Variants in NFATC1 observed in about 807,000 individuals in gnomAD.
NFATC1 encodes nuclear factor of activated T cells 1.
NFATC1 carries 22 observed loss-of-function variants against 76.0 expected under a neutral mutation model. The observed-to-expected ratio is 0.29, with a 90% CI of 0.21 to 0.41. The LOEUF is 0.41. Ranked by LOEUF, NFATC1 falls within the 10% of genes least tolerant of loss-of-function variation. The probability of loss-of-function intolerance (pLI) is 1.00; values close to 1 mark genes in which losing one functional copy is unlikely to be tolerated. For synonymous variants in NFATC1, 704 were observed against 613.1 expected, an observed-to-expected ratio of 1.15 and a Z score of -2.19; for missense variants, 1,357 against 1,337.7, an observed-to-expected ratio of 1.01 and a Z score of -0.23.
At position 79,410,178 on chromosome 18, in the gene NFATC1, G is replaced by T; in HGVS notation, c.128-225G>T. The T allele has an allele frequency of 1.3e-6, 1 of 765,646 alleles. No homozygotes were observed. Among genetic ancestry groups the T allele is most frequent in the East Asian group, 2.5e-5 (1 of 40,660 alleles). 47.4% of individuals were successfully genotyped at this position (765,646 alleles called of 1,614,324 possible). On this transcript the variant is annotated intron_variant, in intron 1 of 9. Coordinates refer to ENST00000427363, the MANE Select transcript of NFATC1 (RefSeq NM_001278669.2). This position sits in a 1 kb window ranked among gnomAD's most constrained non-coding sequence, Gnocchi z 6.7. The stretch of plus-strand genomic sequence containing the variant: ...TGCTGTTAGGGGAGGAGGGGAGGTG[G>T]GCAGTGAGGGGCTCACGGGAGCCTT...
chr18:79,412,049 C>T (rs2085710211), intron 2 of NFATC1, among the ~76,000 whole-genome samples: 2 of 152,260 alleles, frequency 1.3e-5, no homozygotes, highest in Non-Finnish European at 2.9e-5. Flanking sequence ...GTCCGCCACG[C>T]TTTGGAACAG....
At chr18:79,511,373 C>A (rs528057834) in intron 9 of NFATC1, among the ~76,000 whole-genome samples, 1 of 152,264 alleles carries the variant, frequency 6.6e-6, no homozygotes, top group East Asian at 1.9e-4. Flanking sequence ...GGTCATGGTG[C>A]GTTGTCTCCG....
intron 1 of NFATC1, chr18:79,400,582 TC>T: frequency 5.7e-6 from 6 of 1,058,966 alleles, no homozygotes; most frequent in East Asian, 3.5e-5. Context: ...ACCCCAGGAG[TC>T]CCCGGCGCGC....
At chr18:79,451,446 G>A (rs907354761) in intron 5 of NFATC1, among the ~76,000 whole-genome samples, 3 of 152,384 alleles carry the variant, frequency 2.0e-5, no homozygotes, top group Admixed American at 2.0e-4. Flanking sequence ...AATTGGCTGA[G>A]TCTTAGGAAG....
intron 6 of NFATC1, among the ~76,000 whole-genome samples, chr18:79,456,270 G>A (rs2087720610): frequency 6.6e-6 from 1 of 152,242 alleles, no homozygotes; most frequent in South Asian, 2.1e-4. Context: ...CGCGGCGAGT[G>A]TGGGGTGCAT....
At chr18:79,414,915 G>A (rs144884966) in intron 2 of NFATC1, among the ~76,000 whole-genome samples, 1 of 152,306 alleles carries the variant, frequency 6.6e-6, no homozygotes, top group East Asian at 1.9e-4. Context: ...AAGGCTGTGC[G>A]GGTTATTTAT....
chr18:79,415,598 A>G (rs1208210549), intron 2 of NFATC1, among the ~76,000 whole-genome samples: 5 of 152,056 alleles, frequency 3.3e-5, no homozygotes, highest in Middle Eastern at 3.2e-3. Context: ...TTCAATTTCT[A>G]CACATGAAAC....
chr18:79,427,667 G>A (rs113354363), intron 2 of NFATC1, among the ~76,000 whole-genome samples: 1,581 of 114,930 alleles, frequency 0.014, 81 homozygotes, highest in African/African-American at 0.056. Flanking sequence ...TGGCCTCTGT[G>A]TGGTGTGGGG....
intron 2 of NFATC1, among the ~76,000 whole-genome samples, chr18:79,425,006 T>C (rs1185310959): frequency 6.8e-6 from 1 of 147,270 alleles, no homozygotes; most frequent in Non-Finnish European, 1.5e-5. Context: ...TCTCTGTGTC[T>C]GTCTCTCTCT....
intron 2 of NFATC1, among the ~76,000 whole-genome samples, chr18:79,428,516 A>G (rs1210753512): frequency 6.6e-6 from 1 of 152,156 alleles, no homozygotes; most frequent in Admixed American, 6.5e-5. Flanking sequence ...ATGACCGGAG[A>G]TGTGGTCTGG....
intron 9 of NFATC1, among the ~76,000 whole-genome samples, chr18:79,487,833 G>A (rs1038412345): frequency 6.6e-6 from 1 of 152,202 alleles, no homozygotes; most frequent in African/African-American, 2.4e-5. Flanking sequence ...ATCGGGGCGT[G>A]CCCGCGGCCC....
At chr18:79,527,494 C>T (rs761358847) in intron 9 of NFATC1, 34 bp from the exon 10 acceptor site, 2 of 1,579,104 alleles carry the variant, frequency 1.3e-6, no homozygotes, top group Admixed American at 3.3e-5. Flanking sequence ...TATGGTATTT[C>T]TCTAATACTT....
At chr18:79,424,537 GTCTCTC>G (rs747162867) in intron 2 of NFATC1, among the ~76,000 whole-genome samples, 1 of 149,722 alleles carries the variant, frequency 6.7e-6, no homozygotes, top group Non-Finnish European at 1.5e-5. Flanking sequence ...CTGTCTCCCT[GTCTCTC>G]TCTCTGTCTC....
intron 2 of NFATC1, chr18:79,421,366 C>CA (rs1399968688): frequency 6.6e-6 from 1 of 152,294 alleles, no homozygotes; most frequent in Non-Finnish European, 1.5e-5. Context: ...CACGGGCAGA[C>CA]AGGTCGAGTG....
chr18:79,476,473 T>A (rs529172188), intron 8 of NFATC1, among the ~76,000 whole-genome samples: 1 of 152,254 alleles, frequency 6.6e-6, no homozygotes, highest in Non-Finnish European at 1.5e-5. Context: ...CCCACCTCAC[T>A]GTGCCCTGGA....
At chr18:79,402,472 C>T (rs578012881) in intron 1 of NFATC1, 11 of 862,592 alleles carry the variant, frequency 1.3e-5, no homozygotes, top group East Asian at 1.2e-4. Flanking sequence ...ACCTCACCCT[C>T]GCAGGCACCC....
chr18:79,487,060 T>A (rs1600895457), intron 9 of NFATC1, 123 bp downstream of exon 9: 1 of 1,157,496 alleles, frequency 8.6e-7, no homozygotes, highest in East Asian at 2.7e-5. Context: ...CCGGGCAGGG[T>A]GTGGGGTGCG....
At position 79,411,824 on chromosome 18, in the gene NFATC1, C is replaced by A. The variant is rs944838710; in HGVS notation, c.1226+323C>A. 2.6e-5 allele frequency among the ~76,000 whole-genome samples: 4 copies of A among 152,362 alleles called. No individual in the cohort carries two copies. In the East Asian group the frequency reaches 7.7e-4, roughly 29 times the overall value. ...AAACACCCATTTCAAAGAGGGTGGCCCTGCTGGCGGTCAGGGCTTCCACGT... is the reference window on the plus strand; with the variant it reads ...AAACACCCATTTCAAAGAGGGTGGCACTGCTGGCGGTCAGGGCTTCCACGT... On this transcript the variant is annotated intron_variant, in intron 2 of 9. Transcript: ENST00000427363.
intron 1 of NFATC1, chr18:79,402,243 C>G (rs1283084847): frequency 1.2e-5 from 9 of 740,284 alleles, no homozygotes; most frequent in Non-Finnish European, 1.5e-5. Flanking sequence ...CTCTGCCCCT[C>G]GAGGCCTAGT....
Sources: gnomAD v4.1 joint callset for allele counts (sites outside exome capture counted in the v4.1 genomes callset) on GRCh38, gnomAD v4.1.1 for gene constraint, Gnocchi (gnomAD v3.1) non-coding constraint, MANE v1.5 for transcripts, NCBI Gene and HGNC (gene_info 2026-07-23, HGNC 2026-07-21) for gene names.